CAPRIN1: variants seen among roughly 807,000 people sequenced by gnomAD.
CAPRIN1 encodes the protein caprin-1.
In CAPRIN1, 29 loss-of-function variants were observed where a neutral mutation model predicts 100.9. The observed-to-expected ratio is 0.29, with a 90% CI of 0.21 to 0.39. CAPRIN1 has a LOEUF of 0.39. Ranked by LOEUF, CAPRIN1 falls within the 10% of genes least tolerant of loss-of-function variation. The pLI, the probability that CAPRIN1 is intolerant of heterozygous loss-of-function variation, is 1.00. For missense variants in CAPRIN1, 795 were observed against 876.7 expected (o/e 0.91, Z 1.18); for synonymous variants, 338 against 307.5 (o/e 1.10, Z -1.04).
chr11:34,070,840 T>C (rs898410286), intron 2 of CAPRIN1, among the ~76,000 whole-genome samples: 1 of 151,996 alleles, frequency 6.6e-6, no homozygotes, highest in East Asian at 1.9e-4. Flanking sequence ...GTAGCTGGGA[T>C]TACAGGCATG....
rs1565097202 is a variant in CAPRIN1 at position 34,092,073 on chromosome 11, C to CA, written c.1705+18dup. On this transcript the variant is annotated intron_variant, in intron 15 of 18. Transcript: ENST00000341394. The stretch of plus-strand genomic sequence containing the variant: ...TTCAAACAGGTACGAAATCCAGTGT[C>CA]ACCTCATTGGCTCCTTGCTTTCCAG... The CA allele has an allele frequency of 1.2e-6, 2 of 1,611,402 alleles. No homozygotes were observed. Among genetic ancestry groups the CA allele is most frequent in the Non-Finnish European group, 1.7e-6 (2 of 1,178,790 alleles).
intron 2 of CAPRIN1, chr11:34,055,881 T>A (rs1850439537): frequency 6.6e-6 from 1 of 152,230 alleles, no homozygotes; most frequent in Non-Finnish European, 1.5e-5. Context: ...GCAGTATTGA[T>A]GTTGACTTAA....
chr11:34,072,204 G>A (rs1850815427), intron 4 of CAPRIN1, among the ~76,000 whole-genome samples: 1 of 151,740 alleles, frequency 6.6e-6, no homozygotes, highest in African/African-American at 2.4e-5. Flanking sequence ...TGTGCTTGTA[G>A]CCCTGGCTCC....
At chr11:34,079,544 CAA>C (rs1850969527) in intron 6 of CAPRIN1, 82 bp from the exon 7 acceptor site, 16 of 1,123,072 alleles carry the variant, frequency 1.4e-5, no homozygotes, top group Non-Finnish European at 2.1e-5. Context: ...TTTTTAATCA[CAA>C]TATTTTATAG....
intron 11 of CAPRIN1, among the ~76,000 whole-genome samples, chr11:34,087,012 A>C (rs1350667422): frequency 6.6e-6 from 1 of 152,204 alleles, no homozygotes; most frequent in African/African-American, 2.4e-5. Flanking sequence ...GAAGAGAGAA[A>C]CCACAAGACA....
At chr11:34,058,825 T>C (rs1850512353) in intron 2 of CAPRIN1, among the ~76,000 whole-genome samples, 1 of 152,232 alleles carries the variant, frequency 6.6e-6, no homozygotes, top group African/African-American at 2.4e-5. Context: ...CAGCTTGGTA[T>C]GTTGTAGACC....
chr11:34,089,158 A>G (rs934088843), intron 11 of CAPRIN1, among the ~76,000 whole-genome samples: 1 of 146,192 alleles, frequency 6.8e-6, no homozygotes, highest in South Asian at 2.2e-4. Context: ...AGTCACAGCT[A>G]CTTGGGAGGC....
Position 34,102,428 on chromosome 11 carries a change from G to C in CAPRIN1, c.*3061G>C, listed in dbSNP as rs202172542. Among the ~76,000 whole-genome samples, 25 of 152,314 alleles carry C rather than the reference G, an allele frequency of 1.6e-4. 1 individual carries two copies. In the East Asian group the frequency reaches 4.4e-3, roughly 27 times the overall value. ...AGTTGATTATAAGTTAGATTTCACA[G>C]AATCAGTATTGCCCTTGATCTTGTC... On this transcript the variant is annotated 3_prime_UTR_variant, in exon 19 of 19. Coordinates refer to ENST00000341394, the MANE Select transcript of CAPRIN1 (RefSeq NM_005898.5).
chr11:34,062,352 G>A (rs1345331209), intron 2 of CAPRIN1, among the ~76,000 whole-genome samples: 1 of 150,958 alleles, frequency 6.6e-6, no homozygotes, highest in Non-Finnish European at 1.5e-5. Context: ...TGGACCGGGC[G>A]CGGTGGCTCA....
intron 18 of CAPRIN1, chr11:34,098,534 T>C (rs527617720): frequency 1.0e-6 from 1 of 985,142 alleles, no homozygotes; most frequent in Non-Finnish European, 1.2e-6. Flanking sequence ...CTATTGGCCA[T>C]AACATGTATA....
chr11:34,065,961 G>T (rs1255336486), intron 2 of CAPRIN1, among the ~76,000 whole-genome samples: 1 of 152,076 alleles, frequency 6.6e-6, no homozygotes, highest in East Asian at 1.9e-4. Flanking sequence ...TTTTTATTGT[G>T]GTTAGAAAAA....
rs566799345 is a variant in CAPRIN1, at chr11:34,063,981, T to A, written c.217-7745T>A. ...CGGGGTTTCTCCATGTTGGTCAGGCTGGTCTTGAACTCCTGACCTCAGGTG... is the reference window on the plus strand; with the variant it reads ...CGGGGTTTCTCCATGTTGGTCAGGCAGGTCTTGAACTCCTGACCTCAGGTG... On this transcript the variant is annotated intron_variant, in intron 2 of 18. Transcript: ENST00000341394. Among the ~76,000 whole-genome samples the A allele has an allele frequency of 2.5e-4, 38 of 152,268 alleles. No individual in the cohort carries two copies. In the East Asian group the frequency reaches 7.4e-3, roughly 29 times the overall value.
intron 6 of CAPRIN1, 93 bp downstream of exon 6, chr11:34,076,735 A>C: frequency 1.3e-6 from 1 of 774,962 alleles, no homozygotes; most frequent in Non-Finnish European, 2.1e-6. Context: ...GAAAAAAATT[A>C]GTTTTTTTTT....
intron 7 of CAPRIN1, 142 bp downstream of exon 7, chr11:34,079,907 T>C (rs942011734): frequency 1.3e-3 from 2 of 1,594 alleles, no homozygotes; most frequent in African/African-American, 0.012. Context: ...ATGACAAAGT[T>C]TTTTTTTTTT....
intron 6 of CAPRIN1, among the ~76,000 whole-genome samples, chr11:34,077,264 A>G (rs958379657): frequency 2.6e-5 from 4 of 152,236 alleles, no homozygotes; most frequent in African/African-American, 9.6e-5. Context: ...ACAGATTAAC[A>G]TTAGATTGAC....
At chr11:34,073,781 G>T (rs956691768) in intron 4 of CAPRIN1, among the ~76,000 whole-genome samples, 6 of 152,054 alleles carry the variant, frequency 3.9e-5, no homozygotes, top group African/African-American at 1.4e-4. Flanking sequence ...GAAAATCTTT[G>T]CTGAAAACAA....
At chr11:34,076,805 C>G (rs994894139) in intron 6 of CAPRIN1, among the ~76,000 whole-genome samples, 163 bp downstream of exon 6, 1 of 150,758 alleles carries the variant, frequency 6.6e-6, no homozygotes, top group Non-Finnish European at 1.5e-5. Context: ...GTGATCTCAG[C>G]TCACAGCAAC....
At chr11:34,067,483 TGCACAG>T (rs1850721832) in intron 2 of CAPRIN1, among the ~76,000 whole-genome samples, 1 of 151,986 alleles carries the variant, frequency 6.6e-6, no homozygotes, top group African/African-American at 2.4e-5. Context: ...TTTAATAAAA[TGCACAG>T]TTGTTTTTTT....
intron 11 of CAPRIN1, among the ~76,000 whole-genome samples, chr11:34,088,035 A>G (rs758023034): frequency 9.2e-5 from 14 of 152,044 alleles, no homozygotes; most frequent in East Asian, 1.9e-4. Flanking sequence ...GTCTCGCTCT[A>G]TCGCCAGGCT....
Sources: allele counts gnomAD v4.1 joint callset (sites outside exome capture counted in the v4.1 genomes callset), GRCh38; gene constraint gnomAD v4.1.1; transcripts MANE v1.5; gene names NCBI Gene and HGNC (gene_info 2026-07-23, HGNC 2026-07-21).